The following RFC3 variants were observed in gnomAD, a reference collection of about 807,000 sequenced individuals.
The protein encoded by RFC3 is replication factor C subunit 3, also known as A1 38 kDa subunit.
Under a neutral mutation model 45.1 loss-of-function variants are expected in RFC3, and 41 were observed. The observed-to-expected ratio is 0.91, with a 90% CI of 0.71 to 1.18. RFC3 has a LOEUF of 1.18. Ranked by LOEUF, RFC3 falls within the 50% of genes most tolerant of loss-of-function variation. The pLI, the probability that RFC3 is intolerant of heterozygous loss-of-function variation, is 0.00. For missense variants in RFC3, 423 were observed against 428.1 expected, an observed-to-expected ratio of 0.99 and a Z score of 0.10; for synonymous variants, 149 against 144.0, an observed-to-expected ratio of 1.03 and a Z score of -0.25.
At chr13:33,934,011 A>C (rs2082870418) in intron 8 of RFC3, among the ~76,000 whole-genome samples, 1 of 151,946 alleles carries the variant, frequency 6.6e-6, no homozygotes, top group Non-Finnish European at 1.5e-5. Flanking sequence ...GGTGGGGAAA[A>C]AAAGGGAAAT....
chr13:33,969,065 G>A (rs1041585122), downstream of RFC3, among the ~76,000 whole-genome samples: 3 of 152,166 alleles, frequency 2.0e-5, no homozygotes, highest in African/African-American at 7.2e-5. Context: ...AGTTACACAC[G>A]TTTCAACACT....
intron 8 of RFC3, among the ~76,000 whole-genome samples, chr13:33,926,320 G>A (rs1244406157): frequency 6.6e-6 from 1 of 151,446 alleles, no homozygotes; most frequent in East Asian, 2.0e-4. Context: ...TAACTAACCT[G>A]CACATTGTGC....
intron 7 of RFC3, among the ~76,000 whole-genome samples, chr13:33,834,341 A>G (rs1039641776): frequency 8.5e-6 from 1 of 117,438 alleles, no homozygotes; most frequent in Non-Finnish European, 1.6e-5. Flanking sequence ...TCTGTACTGT[A>G]AAAATTCAGA....
intron 8 of RFC3, among the ~76,000 whole-genome samples, chr13:33,928,672 G>A (rs2082831860): frequency 6.6e-6 from 1 of 152,084 alleles, no homozygotes; most frequent in Non-Finnish European, 1.5e-5. Flanking sequence ...ACTTTCTCTG[G>A]TGTTTGCTTT....
At chr13:33,929,779 A>G (rs983420959) in intron 8 of RFC3, among the ~76,000 whole-genome samples, 2 of 152,040 alleles carry the variant, frequency 1.3e-5, no homozygotes, top group Admixed American at 6.6e-5. Context: ...TTTCCCCTAT[A>G]TTATTATAAT....
Position 33,835,201 on chromosome 13 carries a change from C to T in RFC3, c.863C>T (p.Pro288Leu), listed in dbSNP as rs1038981804. ...LYELLTHCIP[P>L]EIIMKGLLSE... is the part of the protein sequence containing the mutation. The stretch of plus-strand genomic sequence containing the variant: ...GAGCTTCTAACTCATTGTATTCCTC[C>T]TGAGATAATAATGAAGGTAACCCAA... The change falls in exon 8 of 9, where the codon CCT becomes CTT. Residue 288 changes from proline (P) to leucine (L), a missense_variant. Physicochemically the swap from Pro to Leu is moderately conservative, Grantham distance 98 (BLOSUM62 -3). Transcript: ENST00000380071. The T allele has an allele frequency of 1.2e-6, 2 of 1,608,888 alleles. No individual in the cohort carries two copies. Among genetic ancestry groups the T allele is most frequent in the Non-Finnish European group, 1.7e-6 (2 of 1,175,584 alleles).
At chr13:33,835,862 C>T (rs192361143) in intron 8 of RFC3, among the ~76,000 whole-genome samples, 3 of 152,236 alleles carry the variant, frequency 2.0e-5, no homozygotes, top group Admixed American at 2.0e-4. Flanking sequence ...TATCCTTGCA[C>T]TTTGTGCAGT....
At chr13:33,972,149 T>A in the RFC3 span, among the ~76,000 whole-genome samples, 1 of 152,184 alleles carries the variant, frequency 6.6e-6, no homozygotes, top group East Asian at 1.9e-4. Flanking sequence ...AATAAAATGG[T>A]AATACTTTTT....
At position 33,900,964 on chromosome 13, in the gene RFC3, C is replaced by T. The variant is rs555504260; in HGVS notation, c.880-65123C>T. On this transcript the variant is annotated intron_variant, in intron 8 of 8. Transcript: ENST00000434425. Reference sequence around the variant, plus strand: ...AAAAATGCTCAACATCACTAATCATCGAAGAAATGCAAATCAAAATCACAA... The same window carrying T: ...AAAAATGCTCAACATCACTAATCATTGAAGAAATGCAAATCAAAATCACAA... Among the ~76,000 whole-genome samples the T allele has an allele frequency of 5.8e-4, 88 of 151,758 alleles. 1 individual carries two copies. In the South Asian group the frequency reaches 0.01, roughly 18 times the overall value.
At chr13:33,898,602 G>A (rs904622176) in intron 8 of RFC3, among the ~76,000 whole-genome samples, 7 of 151,788 alleles carry the variant, frequency 4.6e-5, no homozygotes, top group African/African-American at 1.7e-4. Flanking sequence ...CAATGTACTA[G>A]GGAGGTAGAA....
At chr13:33,858,912 G>T (rs549481194) in intron 8 of RFC3, among the ~76,000 whole-genome samples, 5 of 152,072 alleles carry the variant, frequency 3.3e-5, no homozygotes, top group African/African-American at 7.2e-5. Context: ...CTGTAGCATC[G>T]CAGTCCCTGA....
intron 8 of RFC3, among the ~76,000 whole-genome samples, chr13:33,904,002 C>T (rs536175845): frequency 6.6e-6 from 1 of 152,174 alleles, no homozygotes; most frequent in African/African-American, 2.4e-5. Flanking sequence ...TTTATGTGTG[C>T]ATGCCCACAA....
chr13:33,930,523 G>A (rs1363562206), intron 8 of RFC3, among the ~76,000 whole-genome samples: 1 of 152,080 alleles, frequency 6.6e-6, no homozygotes, highest in Non-Finnish European at 1.5e-5. Flanking sequence ...TGATTAGATG[G>A]TGCCCACCCA....
chr13:33,876,599 T>C (rs1316101893), intron 8 of RFC3, among the ~76,000 whole-genome samples: 1 of 152,226 alleles, frequency 6.6e-6, no homozygotes, highest in African/African-American at 2.4e-5. Flanking sequence ...ATTAATATAA[T>C]CACTTAGACA....
chr13:33,855,069 C>G (rs1206989137), intron 8 of RFC3, among the ~76,000 whole-genome samples: 1 of 152,064 alleles, frequency 6.6e-6, no homozygotes, highest in Non-Finnish European at 1.5e-5. Flanking sequence ...CTCTACTTCC[C>G]TAAAAGGGAT....
exon 9 of RFC3, chr13:33,966,419 G>A: frequency 4.7e-6 from 2 of 425,942 alleles, no homozygotes; most frequent in South Asian, 9.7e-5. Context: ...TAAATTTGAT[G>A]AATGGGGACC....
intron 8 of RFC3, among the ~76,000 whole-genome samples, chr13:33,877,077 G>T (rs1430488843): frequency 2.0e-5 from 3 of 152,168 alleles, no homozygotes; most frequent in Non-Finnish European, 4.4e-5. Context: ...ACTAAATCAG[G>T]CTAAGTGCTT....
chr13:33,871,988 A>C (rs1471221469), intron 8 of RFC3, among the ~76,000 whole-genome samples: 2 of 152,216 alleles, frequency 1.3e-5, no homozygotes, highest in African/African-American at 4.8e-5. Context: ...ATAGTATTTC[A>C]AAGTCCTTTG....
downstream of RFC3, among the ~76,000 whole-genome samples, chr13:33,839,732 G>A (rs79086544): frequency 6.6e-6 from 1 of 152,124 alleles, no homozygotes; most frequent in Non-Finnish European, 1.5e-5. Context: ...TTTCAGTCTG[G>A]CATCATTTAT....
Sources: allele counts gnomAD v4.1 joint callset (sites outside exome capture counted in the v4.1 genomes callset), GRCh38; gene constraint gnomAD v4.1.1; transcripts MANE v1.5; gene names NCBI Gene and HGNC (gene_info 2026-07-23, HGNC 2026-07-21).